The following BLM variants were observed in gnomAD, a reference collection of about 807,000 sequenced individuals.
The protein encoded by BLM is BLM RecQ like helicase.
Under a neutral mutation model 135.3 loss-of-function variants are expected in BLM, and 95 were observed. The observed-to-expected ratio is 0.70, with a 90% CI of 0.59 to 0.83. BLM has a LOEUF of 0.83. BLM is among the 40% of genes least tolerant of loss of function. The probability of loss-of-function intolerance (pLI) is 0.00; values close to 1 mark genes in which losing one functional copy is unlikely to be tolerated. For missense variants in BLM, 1,518 were observed against 1,663.9 expected (o/e 0.91, Z 1.53); for synonymous variants, 520 against 589.2 (o/e 0.88, Z 1.70).
At chr15:90,810,570 G>A (rs1427377111) in intron 20 of BLM, among the ~76,000 whole-genome samples, 4 of 152,122 alleles carry the variant, frequency 2.6e-5, no homozygotes, top group Middle Eastern at 3.2e-3. Context: ...TGCTTTTTGG[G>A]TGCCTTGGGA....
intron 1 of BLM, among the ~76,000 whole-genome samples, chr15:90,729,727 G>A (rs139581575): frequency 6.6e-6 from 1 of 152,358 alleles, no homozygotes; most frequent in East Asian, 1.9e-4. Flanking sequence ...ATGTAACCAA[G>A]CATATTCACA....
At position 90,796,885 on chromosome 15, in the gene BLM, G is replaced by T. The variant is rs549418496; in HGVS notation, c.3211-1305G>T. Reference sequence around the variant, plus strand: ...CTGAGTTAGGAGGACATCTGAGGTTGAGGATCAGCAGATGGGCATTCCCAG... The same window carrying T: ...CTGAGTTAGGAGGACATCTGAGGTTTAGGATCAGCAGATGGGCATTCCCAG... On this transcript the variant is annotated intron_variant, in intron 16 of 21. Transcript: ENST00000355112. Among the ~76,000 whole-genome samples the T allele has an allele frequency of 2.6e-5, 4 of 152,340 alleles. No individual in the cohort carries two copies. The South Asian group carries it at 8.3e-4, about 32-fold the overall frequency.
intron 19 of BLM, among the ~76,000 whole-genome samples, chr15:90,804,684 C>G (rs1897248611): frequency 6.6e-6 from 1 of 152,080 alleles, no homozygotes. Context: ...AGTCTGGTCT[C>G]GAACTCTTGG....
chr15:90,749,909 A>G lies in BLM; in HGVS notation c.641A>G (p.Glu214Gly), dbSNP rs1230930956. The change falls in exon 3 of 22, where the codon GAA (glutamate) becomes GGA (glycine). Residue 214 changes from glutamate (E) to glycine (G), a missense_variant. Coordinates refer to ENST00000355112, the MANE Select transcript of BLM (RefSeq NM_000057.4). ...ACTGATTTGCCTCCACCCTCCTCTG[A>G]AAGCGAGCAAATAGATTTGACTGAG... Reference protein sequence around the residue: ...VKTDLPPPSSESEQIDLTEEQ... With the variant: ...VKTDLPPPSSGSEQIDLTEEQ... The G allele has an allele frequency of 3.1e-6, 5 of 1,613,072 alleles. No individual in the cohort carries two copies. The highest frequency in any genetic ancestry group is 4.2e-6 in the Non-Finnish European group (5 of 1,179,030).
chr15:90,752,365 C>T (rs756011761), intron 4 of BLM, among the ~76,000 whole-genome samples: 22 of 152,048 alleles, frequency 1.4e-4, no homozygotes, highest in African/African-American at 4.8e-4. Context: ...TCAGTAGAGA[C>T]GAGGTTTTGC....
rs1430052148 is a variant in BLM at position 90,769,172 on chromosome 15, C to T, written c.2347C>T (p.Leu783Phe). ...CAGACTCATTTCTACTCTGGAGAAT[C>T]TCTATGAGAGGAAGCTCTTGGCACG... The part of the protein sequence containing the change: ...SNRLISTLEN[L>F]YERKLLARFV... Residue 783 changes from leucine to phenylalanine, a missense_variant, in exon 11 of 22, where the codon CTC becomes TTC. By Grantham distance (22) the Leu-to-Phe change is conservative. Around this residue, in one of 5 missense-constraint regions of BLM, gnomAD observed 626 missense variants for 681.1 expected, o/e 0.92. Transcript: ENST00000355112. 1.2e-6 allele frequency: 2 copies of T among 1,613,740 alleles called. No homozygotes were observed. Among genetic ancestry groups the T allele is most frequent in the African/African-American group, 2.7e-5 (2 of 74,932 alleles).
Position 90,766,943 on chromosome 15 carries a change from G to T in BLM, c.2227G>T (p.Asp743Tyr). ...TACATATCTGACAGGTGATAAGACT[G>T]ACTCAGAAGCTACAAATATTTACCT... ...PATYLTGDKT[D>Y]SEATNIYLQL... is the part of the protein sequence containing the mutation. Residue 743 changes from aspartate to tyrosine, a missense_variant, in exon 10 of 22, where the codon GAC becomes TAC. By Grantham distance (160) the Asp-to-Tyr change is radical. This residue lies in a region of BLM where 626 missense variants were observed against 681.1 expected (regional missense o/e 0.92). Transcript: ENST00000355112. 6.2e-7 allele frequency: 1 copy of T among 1,604,950 alleles called. No individual in the cohort carries two copies. Among genetic ancestry groups the T allele is most frequent in the South Asian group, 1.1e-5 (1 of 90,342 alleles).
intron 1 of BLM, among the ~76,000 whole-genome samples, chr15:90,730,889 A>G (rs1895051057): frequency 6.7e-6 from 1 of 149,026 alleles, no homozygotes; most frequent in Non-Finnish European, 1.5e-5. Context: ...TAAATGTTGA[A>G]CCACTTCTGA....
chr15:90,732,320 T>C (rs540007672), intron 1 of BLM, among the ~76,000 whole-genome samples: 21 of 152,234 alleles, frequency 1.4e-4, no homozygotes, highest in Admixed American at 1.2e-3. Flanking sequence ...ATTAGTGCAG[T>C]ATATCATCTT....
At chr15:90,764,922 A>T (rs1490521937) in intron 8 of BLM, among the ~76,000 whole-genome samples, 1 of 152,098 alleles carries the variant, frequency 6.6e-6, no homozygotes, top group Non-Finnish European at 1.5e-5. Flanking sequence ...TACAAAAATT[A>T]GCAGGATGTG....
At chr15:90,789,657 C>T (rs977070122) in intron 14 of BLM, among the ~76,000 whole-genome samples, 5 of 152,122 alleles carry the variant, frequency 3.3e-5, no homozygotes, top group African/African-American at 9.7e-5. Flanking sequence ...TGTCCACATA[C>T]TCCAGAGCTT....
rs1391076273 is a variant in BLM at position 90,784,929 on chromosome 15, G to A, written c.2671G>A (p.Gly891Arg). 6.2e-7 allele frequency: 1 copy of A among 1,613,440 alleles called. No individual in the cohort carries two copies. The highest frequency in any genetic ancestry group is 1.3e-5 in the African/African-American group (1 of 74,868). The change falls in exon 14 of 22, where the codon GGG becomes AGG. Residue 891 changes from glycine to arginine, a missense_variant. Physicochemically the swap from Gly to Arg is moderately radical, Grantham distance 125. This residue lies in a region of BLM where 626 missense variants were observed against 681.1 expected (regional missense o/e 0.92). Coordinates refer to ENST00000355112, the MANE Select transcript of BLM (RefSeq NM_000057.4). ...WIRKHHPYDS[G>R]IIYCLSRREC... The stretch of plus-strand genomic sequence containing the variant: ...TCTTGGTTTCTTGGCAGATGATTCA[G>A]GGATAATTTACTGCCTCTCCAGGCG...
At chr15:90,771,400 T>C (rs920356983) in intron 12 of BLM, among the ~76,000 whole-genome samples, 5 of 152,018 alleles carry the variant, frequency 3.3e-5, no homozygotes, top group African/African-American at 9.7e-5. Context: ...GGCAGGAGAA[T>C]TGCTTGAACC....
chr15:90,794,697 A>G (rs1896989073), intron 16 of BLM, among the ~76,000 whole-genome samples: 1 of 149,434 alleles, frequency 6.7e-6, no homozygotes, highest in Non-Finnish European at 1.5e-5. Flanking sequence ...TTTAAATTTA[A>G]TATATTAATG....
At chr15:90,770,068 C>T (rs567545448) in intron 12 of BLM, among the ~76,000 whole-genome samples, 1 of 152,086 alleles carries the variant, frequency 6.6e-6, no homozygotes, top group East Asian at 1.9e-4. Context: ...GATACTATGT[C>T]GAATAGCTTT....
chr15:90,767,212 A>G (rs776613211), intron 10 of BLM, among the ~76,000 whole-genome samples, 189 bp downstream of exon 10: 2 of 152,182 alleles, frequency 1.3e-5, no homozygotes, highest in Non-Finnish European at 2.9e-5. Flanking sequence ...TTCCTGACAC[A>G]TTTGATTGAA....
chr15:90,791,093 T>A (rs144891647), intron 15 of BLM, among the ~76,000 whole-genome samples: 267 of 152,364 alleles, frequency 1.8e-3, no homozygotes, highest in Non-Finnish European at 3.3e-3. Flanking sequence ...CTTGTAGTTT[T>A]GCCCCCAAAA....
chr15:90,806,010 A>G (rs1212261901), intron 19 of BLM, among the ~76,000 whole-genome samples: 1 of 152,044 alleles, frequency 6.6e-6, no homozygotes, highest in East Asian at 1.9e-4. Context: ...CCCACCATTT[A>G]CTTTGATTAT....
At chr15:90,807,959 T>A (rs1897319706) in intron 19 of BLM, among the ~76,000 whole-genome samples, 1 of 152,236 alleles carries the variant, frequency 6.6e-6, no homozygotes, top group Non-Finnish European at 1.5e-5. Flanking sequence ...TCAGCAGTTC[T>A]AAGACATATC....
Sources: gnomAD v4.1 joint callset for allele counts (sites outside exome capture counted in the v4.1 genomes callset) on GRCh38, gnomAD v4.1.1 for gene constraint, gnomAD v4.1.1 regional missense constraint, MANE v1.5 for transcripts, NCBI Gene and HGNC (gene_info 2026-07-23, HGNC 2026-07-21) for gene names.